SH3PXD2A: variants seen among roughly 807,000 people sequenced by gnomAD.
SH3PXD2A encodes SH3 and PX domains 2A.
SH3PXD2A carries 32 observed loss-of-function variants against 115.2 expected under a neutral mutation model. The ratio of observed to expected loss-of-function variants is 0.28; its 90% confidence interval spans 0.21 to 0.37. The LOEUF is 0.37. Among genes scored for constraint, SH3PXD2A ranks in the 10% least tolerant of loss-of-function variants. The pLI, the probability that SH3PXD2A is intolerant of heterozygous loss-of-function variation, is 1.00. For missense variants in SH3PXD2A, 1,328 were observed against 1,498.7 expected (o/e 0.89, Z 1.88); for synonymous variants, 610 against 629.1 (o/e 0.97, Z 0.45).
chr10:103,789,778 C>T (rs186943947), intron 2 of SH3PXD2A, among the ~76,000 whole-genome samples: 2 of 151,072 alleles, frequency 1.3e-5, no homozygotes, highest in Admixed American at 6.6e-5. Flanking sequence ...TGCATTCCAA[C>T]GCCTCCCTGA....
rs577274159 is a variant in SH3PXD2A at position 103,631,977 on chromosome 10, G to A, written c.605-4775C>T. On this transcript the variant is annotated intron_variant, in intron 8 of 14. Coordinates refer to ENST00000369774, the MANE Select transcript of SH3PXD2A (RefSeq NM_001394015.1). ...TTAAAAAAAAATGTTAATAGCGCAC[G>A]GTTCTGGTTCCCATGTCTCATCCTG... Among the ~76,000 whole-genome samples, 130 of 152,136 alleles carry A rather than the reference G, an allele frequency of 8.5e-4. 1 individual carries two copies. The highest frequency in any genetic ancestry group is 3.0e-3 in the African/African-American group (125 of 41,504).
intron 5 of SH3PXD2A, among the ~76,000 whole-genome samples, chr10:103,703,386 T>C (rs1482999359): frequency 2.6e-5 from 4 of 152,228 alleles, no homozygotes; most frequent in Admixed American, 6.5e-5. Context: ...CTTAAGTCAC[T>C]TGCCTGGTGT....
At chr10:103,745,529 A>C (rs1297571036) in intron 3 of SH3PXD2A, among the ~76,000 whole-genome samples, 1 of 152,210 alleles carries the variant, frequency 6.6e-6, no homozygotes, top group Non-Finnish European at 1.5e-5. Context: ...GAGTCTGTAA[A>C]AGCATTTAGC....
chr10:103,686,346 G>C (rs906645225), intron 6 of SH3PXD2A, among the ~76,000 whole-genome samples: 2 of 152,202 alleles, frequency 1.3e-5, no homozygotes, highest in African/African-American at 2.4e-5. Flanking sequence ...GTGGCCACCT[G>C]TGCCCCCTAG....
chr10:103,730,128 C>T (rs2038297293), intron 4 of SH3PXD2A, among the ~76,000 whole-genome samples: 1 of 151,926 alleles, frequency 6.6e-6, no homozygotes, highest in Admixed American at 6.6e-5. Context: ...TGCGTCAGGA[C>T]AAAGAGCAAA....
rs1592254568 is a variant in SH3PXD2A at position 103,601,680 on chromosome 10, C to T, written c.*136G>A. 3 of 531,032 alleles carry T rather than the reference C, an allele frequency of 5.6e-6. No individual in the cohort carries two copies. Among genetic ancestry groups the T allele is most frequent in the Admixed American group, 5.4e-5 (2 of 36,862 alleles). The allele number at this position is 531,032 out of a possible 1,614,324, so 32.9% of individuals were successfully genotyped here. The stretch of plus-strand genomic sequence containing the variant: ...TGGACAGGGGGCATCTTTGAGGTCA[C>T]CCATTCTGCAGTGTTGAATGTTGTC... On this transcript the variant is annotated 3_prime_UTR_variant, in exon 15 of 15. Transcript: ENST00000369774.
intron 3 of SH3PXD2A, among the ~76,000 whole-genome samples, chr10:103,738,124 GC>G (rs2038400498): frequency 6.6e-6 from 1 of 152,180 alleles, no homozygotes; most frequent in Admixed American, 6.5e-5. Flanking sequence ...AGAGGGCCGG[GC>G]CATCTCCCTG....
At chr10:103,725,073 T>C (rs915870673) in intron 4 of SH3PXD2A, among the ~76,000 whole-genome samples, 5 of 152,200 alleles carry the variant, frequency 3.3e-5, no homozygotes, top group East Asian at 1.9e-4. Flanking sequence ...TGGAGTTTGA[T>C]AGAACCCAAG....
At chr10:103,724,240 C>G (rs781704337) in intron 5 of SH3PXD2A, 30 bp downstream of exon 5, 21 of 1,322,702 alleles carry the variant, frequency 1.6e-5, no homozygotes, top group Non-Finnish European at 2.1e-5. Context: ...GCCTCCCCAG[C>G]ACACAGGAGA....
intron 2 of SH3PXD2A, among the ~76,000 whole-genome samples, chr10:103,788,576 T>C (rs1039625406): frequency 5.9e-5 from 9 of 152,168 alleles, no homozygotes; most frequent in Non-Finnish European, 7.4e-5. Context: ...TCTAAACTAG[T>C]GTCCCTGAGG....
At chr10:103,604,131 C>T (rs112566796) in intron 14 of SH3PXD2A, among the ~76,000 whole-genome samples, 21 of 152,302 alleles carry the variant, frequency 1.4e-4, no homozygotes, top group African/African-American at 4.6e-4. Flanking sequence ...ACTAAGGACA[C>T]GTATGAAGAA....
intron 6 of SH3PXD2A, among the ~76,000 whole-genome samples, chr10:103,674,718 G>C (rs531943980): frequency 1.3e-4 from 20 of 152,126 alleles, no homozygotes; most frequent in Non-Finnish European, 2.6e-4. Flanking sequence ...TACTCAGGAG[G>C]CTGAGGCAGG....
chr10:103,753,088 T>A (rs2038597298), intron 3 of SH3PXD2A, among the ~76,000 whole-genome samples: 1 of 152,090 alleles, frequency 6.6e-6, no homozygotes, highest in Non-Finnish European at 1.5e-5. Context: ...AACACCCTGG[T>A]GCAGGCAACA....
chr10:103,627,339 G>A lies in SH3PXD2A; in HGVS notation c.605-137C>T, dbSNP rs766865122. 2 of 615,296 alleles carry A rather than the reference G, an allele frequency of 3.3e-6. No homozygotes were observed. Among genetic ancestry groups the A allele is most frequent in the Non-Finnish European group, 5.8e-6 (2 of 344,080 alleles). 38.1% of individuals were successfully genotyped at this position (615,296 alleles called of 1,614,324 possible). Reference sequence around the variant, plus strand: ...CAGATGGCCTGGGGACCCAGCAAATGCCTGGCCCAGCTCCAGCCTCGAGGA... The same window carrying A: ...CAGATGGCCTGGGGACCCAGCAAATACCTGGCCCAGCTCCAGCCTCGAGGA... On this transcript the variant is annotated intron_variant, in intron 8 of 14. Coordinates refer to ENST00000369774, the MANE Select transcript of SH3PXD2A (RefSeq NM_001394015.1). The surrounding 1 kb of genome is among the most constrained non-coding windows in gnomAD (Gnocchi z 4.4).
intron 9 of SH3PXD2A, among the ~76,000 whole-genome samples, chr10:103,625,038 C>T (rs1277739536): frequency 2.0e-5 from 3 of 152,190 alleles, no homozygotes; most frequent in Admixed American, 2.0e-4. Context: ...ACACCCACCC[C>T]CCACACACAT....
At chr10:103,657,381 AG>A (rs1455984846) in intron 8 of SH3PXD2A, among the ~76,000 whole-genome samples, 1 of 152,176 alleles carries the variant, frequency 6.6e-6, no homozygotes, top group Non-Finnish European at 1.5e-5. Flanking sequence ...CCTGCTGGAG[AG>A]GGAAGCCAAT....
intron 5 of SH3PXD2A, among the ~76,000 whole-genome samples, chr10:103,713,169 A>G (rs996745779): frequency 1.8e-4 from 27 of 152,138 alleles, no homozygotes; most frequent in African/African-American, 6.3e-4. Flanking sequence ...CCAAACTCCA[A>G]CCACCCTCAA....
At chr10:103,779,586 G>A (rs2038913449) in intron 2 of SH3PXD2A, among the ~76,000 whole-genome samples, 1 of 152,184 alleles carries the variant, frequency 6.6e-6, no homozygotes, top group Non-Finnish European at 1.5e-5. Context: ...TGAGGCTGCT[G>A]AGCAGCGAAG....
rs150835282 is a variant in SH3PXD2A, at chr10:103,751,167, T to C, written c.230-15359A>G. Among the ~76,000 whole-genome samples the C allele has an allele frequency of 4.7e-4, 71 of 152,356 alleles. 1 individual carries two copies. In the East Asian group the frequency reaches 0.012, roughly 25 times the overall value. On this transcript the variant is annotated intron_variant, in intron 3 of 14. Transcript: ENST00000369774. The stretch of plus-strand genomic sequence containing the variant: ...AGATTAATATTCCCACTTTCATTTG[T>C]ATAGAACTTTGTGGCTTAGAAAGAA...
Sources: allele counts gnomAD v4.1 joint callset (sites outside exome capture counted in the v4.1 genomes callset), GRCh38; gene constraint gnomAD v4.1.1; non-coding constraint Gnocchi (gnomAD v3.1); transcripts MANE v1.5; gene names NCBI Gene and HGNC (gene_info 2026-07-23, HGNC 2026-07-21).